GNL3L: variants seen among roughly 807,000 people sequenced by gnomAD.
GNL3L encodes the protein G protein nucleolar 3 like.
A neutral mutation model predicts 42.9 loss-of-function variants in GNL3L; 4 were observed. The observed-to-expected ratio is 0.09, with a 90% CI of 0.05 to 0.21. GNL3L has a LOEUF of 0.21. Among genes scored for constraint, GNL3L ranks in the 10% least tolerant of loss-of-function variants. GNL3L has a pLI of 1.00. For missense variants in GNL3L, 412 were observed against 481.7 expected (o/e 0.86, Z 1.36); for synonymous variants, 159 against 176.3 (o/e 0.90, Z 0.78).
At chrX:54,607,000 CTTT>C (rs1261241745) in intron 16 of GNL3L, among the ~76,000 whole-genome samples, 5,201 of 23,098 alleles carry the variant, frequency 0.23, 549 homozygotes, top group African/African-American at 0.49. Flanking sequence ...CCTTTCCTTT[CTTT>C]CTTTCTTTCT....
At position 54,552,379 on chromosome X, in the gene GNL3L, G is replaced by C; in HGVS notation, c.1269G>C (p.Glu423Asp). The change falls in exon 13 of 16, where the codon GAG (glutamate) becomes GAC (aspartate). Residue 423 changes from glutamate to aspartate, a missense_variant. Transcript: ENST00000360845. The stretch of plus-strand genomic sequence containing the variant: ...CTGAGATCGTTAAGGAAATGACCGA[G>C]GTCTTTGACATCGAGGATACTGAGC... Reference protein sequence around the residue: ...LSAEIVKEMTEVFDIEDTEQA... With the variant: ...LSAEIVKEMTDVFDIEDTEQA... 8.3e-7 allele frequency: 1 copy of C among 1,208,366 alleles called. No homozygotes were observed. Among genetic ancestry groups the C allele is most frequent in the East Asian group, 3.0e-5 (1 of 33,812 alleles).
chrX:54,613,795 C>T (rs760282727), intron 16 of GNL3L, among the ~76,000 whole-genome samples: 5 of 110,602 alleles, frequency 4.5e-5, no homozygotes, highest in Non-Finnish European at 5.7e-5. Flanking sequence ...TGTATACCAG[C>T]GCCTGTTCCT....
At chrX:54,614,522 T>C (rs5915147) in intron 16 of GNL3L, among the ~76,000 whole-genome samples, 27,364 of 110,319 alleles carry the variant, frequency 0.25, 3,370 homozygotes, top group African/African-American at 0.47. Context: ...CCTCTGGTCA[T>C]CATCCCGCTG....
At chrX:54,582,684 G>A in intron 16 of GNL3L, among the ~76,000 whole-genome samples, 1 of 112,427 alleles carries the variant, frequency 8.9e-6, no homozygotes, top group Non-Finnish European at 1.9e-5. Flanking sequence ...CTGGGTTGAA[G>A]CGATTCTCCT....
chrX:54,566,582 T>G lies in GNL3L; in HGVS notation c.*5980T>G, dbSNP rs1418333098. Among the ~76,000 whole-genome samples the G allele has an allele frequency of 8.9e-6, 1 of 112,583 alleles. No homozygotes were observed. The highest frequency in any genetic ancestry group is 1.9e-5 in the Non-Finnish European group (1 of 53,360). ...TTTATCTTTTTGTGACTGGCTTATT[T>G]CACTTTGCATAATGTATTCAAGCTT... On this transcript the variant is annotated 3_prime_UTR_variant, in exon 16 of 16. Coordinates refer to ENST00000360845, the MANE Select transcript of GNL3L (RefSeq NM_001184819.2).
intron 9 of GNL3L, among the ~76,000 whole-genome samples, chrX:54,550,740 A>G (rs1924913587): frequency 9.0e-6 from 1 of 111,715 alleles, no homozygotes; most frequent in Admixed American, 9.5e-5. Context: ...ACGTCTAGAA[A>G]GAGGGACATA....
chrX:54,590,131 A>G (rs1240581656), intron 16 of GNL3L, among the ~76,000 whole-genome samples: 10 of 110,292 alleles, frequency 9.1e-5, no homozygotes, highest in South Asian at 3.9e-4. Context: ...GTAGAGACGG[A>G]GTTTCACCAG....
At chrX:54,541,423 G>T (rs772813337) in intron 5 of GNL3L, 34 bp downstream of exon 5, 2 of 906,789 alleles carry the variant, frequency 2.2e-6, no homozygotes, top group Admixed American at 4.7e-5. Flanking sequence ...GGGTAGGTTT[G>T]CTCAAAGCAT....
At chrX:54,579,889 G>T (rs1925684269) in intron 16 of GNL3L, among the ~76,000 whole-genome samples, 1 of 109,170 alleles carries the variant, frequency 9.2e-6, no homozygotes, top group South Asian at 3.9e-4. Flanking sequence ...TGTTGGCCAG[G>T]CTCGTCTTGA....
At chrX:54,607,452 G>T (rs1253314691) in intron 16 of GNL3L, among the ~76,000 whole-genome samples, 1 of 107,635 alleles carries the variant, frequency 9.3e-6, no homozygotes, top group Non-Finnish European at 1.9e-5. Flanking sequence ...TGACTAAAAA[G>T]GACTCAGAAT....
intron 16 of GNL3L, among the ~76,000 whole-genome samples, chrX:54,602,676 A>G (rs1313793102): frequency 1.8e-5 from 2 of 111,476 alleles, no homozygotes; most frequent in East Asian, 2.8e-4. Flanking sequence ...TCTTGGCTTG[A>G]TGAAATAGGT....
downstream of GNL3L, among the ~76,000 whole-genome samples, chrX:54,623,552 T>C (rs969746042): frequency 8.9e-6 from 1 of 112,103 alleles, no homozygotes; most frequent in Non-Finnish European, 1.9e-5. Context: ...CGCGCGCCAC[T>C]GTGCCTGGCC....
intron 16 of GNL3L, among the ~76,000 whole-genome samples, chrX:54,610,657 C>CT (rs1264646647): frequency 9.0e-6 from 1 of 111,585 alleles, no homozygotes; most frequent in Non-Finnish European, 1.9e-5. Flanking sequence ...CATTTATTGA[C>CT]TTGTGTATGT....
At chrX:54,607,024 C>T (rs1238218115) in intron 16 of GNL3L, among the ~76,000 whole-genome samples, 1 of 62,295 alleles carries the variant, frequency 1.6e-5, no homozygotes, top group African/African-American at 1.2e-4. Flanking sequence ...TTCTTTCTTT[C>T]TTTCTTTCTT....
chrX:54,572,016 T>TTTA (rs1380320209), downstream of GNL3L, among the ~76,000 whole-genome samples: 1 of 105,259 alleles, frequency 9.5e-6, no homozygotes, highest in Non-Finnish European at 1.9e-5. Flanking sequence ...TATTTATTTA[T>TTTA]TTTTTTTTAT....
Position 54,541,915 on chromosome X carries a change from CCCT to C in GNL3L, c.306+532_306+534del, listed in dbSNP as rs768942434. Reference sequence around the variant, plus strand: ...CTCATAGATTGTTTTTTTCACACCTCCCTCCTCCATCCCTCCCTTTCACACCCA... The same window carrying C: ...CTCATAGATTGTTTTTTTCACACCTCCCTCCATCCCTCCCTTTCACACCCA... On this transcript the variant is annotated intron_variant, in intron 5 of 15. Coordinates refer to ENST00000360845, the MANE Select transcript of GNL3L (RefSeq NM_001184819.2). 6.1e-4 allele frequency among the ~76,000 whole-genome samples: 68 copies of C among 110,647 alleles called. No homozygotes were observed. In the South Asian group the frequency reaches 7.3e-3, roughly 12 times the overall value.
At chrX:54,604,203 C>G (rs1569542552) in intron 16 of GNL3L, among the ~76,000 whole-genome samples, 2 of 111,861 alleles carry the variant, frequency 1.8e-5, no homozygotes, top group Non-Finnish European at 3.8e-5. Flanking sequence ...TAGAATACTT[C>G]TGGCAACAAA....
At chrX:54,560,226 G>A (rs1008606382) in intron 15 of GNL3L, among the ~76,000 whole-genome samples, 2 of 111,928 alleles carry the variant, frequency 1.8e-5, no homozygotes, top group Admixed American at 1.9e-4. Flanking sequence ...GTTTGACATA[G>A]TAAAAGAAAA....
the GNL3L span, among the ~76,000 whole-genome samples, chrX:54,628,913 TAATATAATTATAA>T: frequency 9.8e-6 from 1 of 101,752 alleles, no homozygotes; most frequent in Non-Finnish European, 2.0e-5. Flanking sequence ...AAACATAATA[TAATATAATTATAA>T]AATATAATTA....
Sources: allele counts gnomAD v4.1 joint callset (sites outside exome capture counted in the v4.1 genomes callset), GRCh38; gene constraint gnomAD v4.1.1; transcripts MANE v1.5; gene names NCBI Gene and HGNC (gene_info 2026-07-23, HGNC 2026-07-21).